The following NRXN1 variants were observed in gnomAD, a reference collection of about 807,000 sequenced individuals.
NRXN1 encodes neurexin 1.
Under a neutral mutation model 150.9 loss-of-function variants are expected in NRXN1, and 39 were observed. That is an observed-to-expected ratio of 0.26 (90% CI 0.20 to 0.34). The LOEUF is 0.34. NRXN1 is among the 10% of genes least tolerant of loss of function. The probability of loss-of-function intolerance (pLI) is 1.00; values close to 1 mark genes in which losing one functional copy is unlikely to be tolerated. For missense variants in NRXN1, 1,815 were observed against 1,949.9 expected, an observed-to-expected ratio of 0.93 and a Z score of 1.30; for synonymous variants, 924 against 757.0, an observed-to-expected ratio of 1.22 and a Z score of -3.62.
intron 5 of NRXN1, among the ~76,000 whole-genome samples, chr2:50,873,290 CT>C (rs976502840): frequency 1.3e-5 from 2 of 151,800 alleles, no homozygotes; most frequent in Non-Finnish European, 2.9e-5. Context: ...AGCAATACCC[CT>C]GTAATATCAA....
At chr2:50,246,694 G>C (rs2066534796) in intron 17 of NRXN1, among the ~76,000 whole-genome samples, 1 of 150,270 alleles carries the variant, frequency 6.7e-6, no homozygotes, top group African/African-American at 2.4e-5. Flanking sequence ...TCCTCTCAAA[G>C]TCACTTTTAC....
chr2:50,927,574 A>T (rs1388816986), intron 2 of NRXN1, among the ~76,000 whole-genome samples: 2 of 152,048 alleles, frequency 1.3e-5, no homozygotes, highest in African/African-American at 4.8e-5. Context: ...ACAAATATTA[A>T]AGTTTTGTTT....
chr2:51,027,911 G>C lies in NRXN1; in HGVS notation c.363C>G (p.Arg121=). 6.2e-7 allele frequency: 1 copy of C among 1,608,350 alleles called. No individual in the cohort carries two copies. Among genetic ancestry groups the C allele is most frequent in the Non-Finnish European group, 8.5e-7 (1 of 1,179,688 alleles). ...DGAWHSVRIR[R]QFRNTTLFID... ...TGAAGAGCGTGGTGTTGCGGAACTGGCGGCGGATGCGCACGCTGTGCCAGG... is the reference window on the plus strand; with the variant it reads ...TGAAGAGCGTGGTGTTGCGGAACTGCCGGCGGATGCGCACGCTGTGCCAGG... The change falls in exon 2 of 23, where the codon CGC becomes CGG. Residue 121 remains arginine, a synonymous_variant. Coordinates refer to ENST00000401669, the MANE Select transcript of NRXN1 (RefSeq NM_001330078.2).
chr2:50,095,756 A>G (rs535799337), intron 18 of NRXN1, among the ~76,000 whole-genome samples: 33 of 104,142 alleles, frequency 3.2e-4, no homozygotes, highest in African/African-American at 1.2e-3. Context: ...TGCTTGGAGA[A>G]CATCCGACTT....
chr2:50,360,000 C>A (rs2079076622), intron 17 of NRXN1, among the ~76,000 whole-genome samples: 1 of 152,108 alleles, frequency 6.6e-6, no homozygotes, highest in Non-Finnish European at 1.5e-5. Flanking sequence ...TCATATTCAG[C>A]CAAAATAAGC....
chr2:50,474,276 T>C (rs1323688105), intron 15 of NRXN1, among the ~76,000 whole-genome samples: 2 of 151,904 alleles, frequency 1.3e-5, no homozygotes, highest in East Asian at 3.9e-4. Flanking sequence ...TAGCTTTCTG[T>C]ATTTAAGTCT....
At chr2:51,024,907 T>C (rs925291580) in intron 2 of NRXN1, among the ~76,000 whole-genome samples, 9 of 152,164 alleles carry the variant, frequency 5.9e-5, no homozygotes, top group African/African-American at 9.7e-5. Flanking sequence ...GCAGACAATG[T>C]ACATACTGGC....
chr2:50,407,582 G>A (rs1470136263), intron 17 of NRXN1, among the ~76,000 whole-genome samples: 5 of 152,080 alleles, frequency 3.3e-5, no homozygotes, highest in African/African-American at 1.2e-4. Flanking sequence ...CATGAGGGCT[G>A]TCCCCTCATG....
At chr2:50,792,676 C>CTT (rs201162796) in intron 5 of NRXN1, among the ~76,000 whole-genome samples, 6 of 150,934 alleles carry the variant, frequency 4.0e-5, no homozygotes, top group African/African-American at 1.5e-4. Flanking sequence ...AAAAACAGAA[C>CTT]TTTTTTTTTA....
chr2:50,103,345 T>C (rs1701214436), intron 18 of NRXN1, among the ~76,000 whole-genome samples: 1 of 152,032 alleles, frequency 6.6e-6, no homozygotes, highest in Non-Finnish European at 1.5e-5. Context: ...ATTTCTGCCT[T>C]AAGATTTATG....
chr2:50,622,363 A>T (rs532601434), intron 6 of NRXN1, among the ~76,000 whole-genome samples: 1 of 152,320 alleles, frequency 6.6e-6, no homozygotes, highest in Non-Finnish European at 1.5e-5. Flanking sequence ...GGTAAAGGAA[A>T]ACCAGAGACA....
chr2:50,806,511 C>A (rs892670549), intron 5 of NRXN1, among the ~76,000 whole-genome samples: 22 of 152,068 alleles, frequency 1.4e-4, no homozygotes, highest in African/African-American at 5.3e-4. Flanking sequence ...GTTAAACTTT[C>A]TATGCTTAAG....
At chr2:50,578,964 T>C (rs1287211298) in intron 8 of NRXN1, among the ~76,000 whole-genome samples, 7 of 152,168 alleles carry the variant, frequency 4.6e-5, no homozygotes, top group East Asian at 3.9e-4. Flanking sequence ...TTAGATACCA[T>C]GTAACCATCA....
intron 17 of NRXN1, among the ~76,000 whole-genome samples, chr2:50,452,806 A>G (rs564312598): frequency 6.0e-4 from 92 of 152,312 alleles, no homozygotes; most frequent in African/African-American, 2.1e-3. Flanking sequence ...TTTAATTCTC[A>G]ATCTATATAA....
chr2:49,952,366 C>T (rs1395910810), intron 21 of NRXN1, among the ~76,000 whole-genome samples: 1 of 152,054 alleles, frequency 6.6e-6, no homozygotes, highest in Admixed American at 6.6e-5. Flanking sequence ...ATATTCACAG[C>T]TTCTGCACCA....
intron 18 of NRXN1, among the ~76,000 whole-genome samples, chr2:50,233,765 C>T (rs1281091037): frequency 6.6e-6 from 1 of 152,050 alleles, no homozygotes; most frequent in Non-Finnish European, 1.5e-5. Context: ...GTTATATTCA[C>T]AAACCTAAAT....
At position 50,236,914 on chromosome 2, in the gene NRXN1, G is replaced by A; in HGVS notation, c.3421C>T (p.Pro1141Ser). The A allele has an allele frequency of 1.9e-6, 3 of 1,613,374 alleles. No individual in the cohort carries two copies. Among genetic ancestry groups the A allele is most frequent in the Non-Finnish European group, 2.5e-6 (3 of 1,179,634 alleles). ...GGGQITYKWPPNDRPSTRADR... is the reference protein window; with the variant it reads ...GGGQITYKWPSNDRPSTRADR... The stretch of plus-strand genomic sequence containing the variant: ...GCTCGTGTACTGGGTCGGTCATTAG[G>A]AGGCCACTTATACGTGATTTGTCCA... The change falls in exon 18 of 23, where the codon CCT becomes TCT. Residue 1141 changes from proline (P) to serine (S), a missense_variant. Transcript: ENST00000401669.
At chr2:50,698,266 C>T (rs375420210) in intron 5 of NRXN1, among the ~76,000 whole-genome samples, 8 of 152,262 alleles carry the variant, frequency 5.3e-5, no homozygotes, top group East Asian at 3.9e-4. Context: ...CTGAGACTTT[C>T]GGGAGGGCCA....
chr2:50,494,901 G>A (rs1261175922), intron 15 of NRXN1, among the ~76,000 whole-genome samples: 2 of 151,620 alleles, frequency 1.3e-5, no homozygotes, highest in East Asian at 3.9e-4. Context: ...CGTGGTGGCG[G>A]GTGCCTGTAA....
Sources: allele counts gnomAD v4.1 joint callset (sites outside exome capture counted in the v4.1 genomes callset), GRCh38; gene constraint gnomAD v4.1.1; transcripts MANE v1.5; gene names NCBI Gene and HGNC (gene_info 2026-07-23, HGNC 2026-07-21).